The following SYN3 variants were observed in gnomAD, a reference collection of about 807,000 sequenced individuals.
SYN3 encodes synapsin III.
A neutral mutation model predicts 65.8 loss-of-function variants in SYN3; 35 were observed. The observed-to-expected ratio is 0.53, with a 90% confidence interval of 0.41 to 0.70. The LOEUF (loss-of-function observed/expected upper bound fraction) is 0.70, where lower values mean the gene tolerates loss of function less well. Ranked by LOEUF, SYN3 falls within the 30% of genes least tolerant of loss-of-function variation. The pLI, the probability that SYN3 is intolerant of heterozygous loss-of-function variation, is 0.00. For missense variants in SYN3, 680 were observed against 749.0 expected (o/e 0.91, Z 1.08); for synonymous variants, 270 against 292.9 (o/e 0.92, Z 0.80).
At chr22:32,611,642 G>C (rs2059447611) in intron 6 of SYN3, among the ~76,000 whole-genome samples, 2 of 152,142 alleles carry the variant, frequency 1.3e-5, no homozygotes, top group South Asian at 4.1e-4. Context: ...TCTGCTTCTG[G>C]CTTATTCTTA....
intron 4 of SYN3, among the ~76,000 whole-genome samples, chr22:32,870,081 C>A (rs2048808922): frequency 1.3e-5 from 2 of 152,230 alleles, no homozygotes; most frequent in Admixed American, 1.3e-4. Context: ...AAAATCAGCC[C>A]AGGCTGGGGC....
intron 6 of SYN3, among the ~76,000 whole-genome samples, chr22:32,838,911 T>G (rs1171315360): frequency 6.6e-6 from 1 of 151,622 alleles, no homozygotes; most frequent in Non-Finnish European, 1.5e-5. Context: ...GCGATGCTAG[T>G]GAGTGTCCAA....
intron 4 of SYN3, among the ~76,000 whole-genome samples, chr22:32,902,673 C>T (rs2049793379): frequency 6.6e-6 from 1 of 152,036 alleles, no homozygotes; most frequent in South Asian, 2.1e-4. Flanking sequence ...CAAGCAAATG[C>T]AAGGAGGATG....
intron 7 of SYN3, among the ~76,000 whole-genome samples, chr22:32,593,885 G>A (rs2059160990): frequency 6.6e-6 from 1 of 152,090 alleles, no homozygotes; most frequent in African/African-American, 2.4e-5. Flanking sequence ...TCTTGAAGGA[G>A]AACAAGAAGG....
intron 7 of SYN3, among the ~76,000 whole-genome samples, chr22:32,573,121 C>T (rs2146439570): frequency 1.3e-5 from 2 of 152,252 alleles, no homozygotes; most frequent in African/African-American, 4.8e-5. Context: ...TATTAGGGTT[C>T]CCCCCTGTTT....
intron 6 of SYN3, among the ~76,000 whole-genome samples, chr22:32,785,720 T>G (rs1602143441): frequency 6.6e-6 from 1 of 152,196 alleles, no homozygotes; most frequent in South Asian, 2.1e-4. Flanking sequence ...ATCCCACAAG[T>G]TACTCTGTCT....
At chr22:33,026,918 C>G (rs1345224000) in intron 1 of SYN3, among the ~76,000 whole-genome samples, 1 of 152,208 alleles carries the variant, frequency 6.6e-6, no homozygotes, top group Non-Finnish European at 1.5e-5. Flanking sequence ...GAAAAGGGCA[C>G]TTCACCAGAG....
intron 7 of SYN3, among the ~76,000 whole-genome samples, chr22:32,571,669 T>C (rs1312602054): frequency 6.6e-6 from 1 of 152,212 alleles, no homozygotes; most frequent in East Asian, 1.9e-4. Flanking sequence ...TGGCACTGTT[T>C]ATGTGTGGGT....
At chr22:32,534,950 G>C (rs1211727338) in intron 9 of SYN3, among the ~76,000 whole-genome samples, 1 of 152,110 alleles carries the variant, frequency 6.6e-6, no homozygotes, top group Non-Finnish European at 1.5e-5. Flanking sequence ...CTGTAGCACG[G>C]AGCATGTGAG....
intron 2 of SYN3, among the ~76,000 whole-genome samples, chr22:33,003,853 C>T (rs538224730): frequency 1.4e-4 from 21 of 152,232 alleles, no homozygotes; most frequent in African/African-American, 4.8e-4. Context: ...GCCAGGAGGC[C>T]TAGGAGGGAA....
chr22:33,001,123 A>C (rs1187909036), intron 2 of SYN3, among the ~76,000 whole-genome samples: 1 of 152,216 alleles, frequency 6.6e-6, no homozygotes, highest in East Asian at 1.9e-4. Context: ...TGAGTTAATG[A>C]GTCTTAGTTT....
At chr22:32,874,944 A>G (rs758208996) in intron 4 of SYN3, among the ~76,000 whole-genome samples, 2 of 152,206 alleles carry the variant, frequency 1.3e-5, no homozygotes, top group Admixed American at 1.3e-4. Flanking sequence ...GGGAATTCAA[A>G]ACATTGAAAC....
chr22:32,675,062 C>A (rs1277709723), intron 6 of SYN3, among the ~76,000 whole-genome samples: 1 of 152,168 alleles, frequency 6.6e-6, no homozygotes, highest in African/African-American at 2.4e-5. Context: ...CACTTTCCCT[C>A]TAGTCTGAGC....
chr22:32,890,626 C>T (rs542802478), intron 4 of SYN3, among the ~76,000 whole-genome samples: 5 of 152,162 alleles, frequency 3.3e-5, no homozygotes, highest in South Asian at 2.1e-4. Context: ...GTGATCTGCC[C>T]GCCTCGGCCT....
intron 6 of SYN3, among the ~76,000 whole-genome samples, chr22:32,719,370 A>G (rs1045612326): frequency 1.3e-5 from 2 of 152,198 alleles, no homozygotes; most frequent in Non-Finnish European, 2.9e-5. Context: ...TGATAAACGA[A>G]TACTGGTGAA....
chr22:32,842,681 C>T (rs2047946185), intron 6 of SYN3, among the ~76,000 whole-genome samples: 1 of 152,160 alleles, frequency 6.6e-6, no homozygotes, highest in Non-Finnish European at 1.5e-5. Flanking sequence ...CTTCAAACTT[C>T]CTGTGTTGGG....
chr22:33,011,159 A>AG (rs1289404055), intron 1 of SYN3, among the ~76,000 whole-genome samples: 6 of 152,142 alleles, frequency 3.9e-5, no homozygotes, highest in Admixed American at 1.3e-4. Flanking sequence ...TCCGAATCTT[A>AG]GGGGGGAAAC....
intron 6 of SYN3, among the ~76,000 whole-genome samples, chr22:32,711,618 C>T (rs550832759): frequency 1.3e-5 from 2 of 152,294 alleles, no homozygotes; most frequent in South Asian, 2.1e-4. Context: ...CACCTGTACT[C>T]AAAATAACTG....
At chr22:32,770,472 G>T (rs1036941635) in intron 6 of SYN3, among the ~76,000 whole-genome samples, 1 of 151,888 alleles carries the variant, frequency 6.6e-6, no homozygotes, top group Non-Finnish European at 1.5e-5. Flanking sequence ...GCCTCTCCTC[G>T]TCACTCTCTC....
Sources: gnomAD v4.1 joint callset for allele counts (sites outside exome capture counted in the v4.1 genomes callset) on GRCh38, gnomAD v4.1.1 for gene constraint, MANE v1.5 for transcripts, NCBI Gene and HGNC (gene_info 2026-07-23, HGNC 2026-07-21) for gene names.